Variants in SAMD12 observed in about 807,000 individuals in gnomAD.
SAMD12 encodes sterile alpha motif domain containing 12, also known as sterile alpha motif domain-containing protein 12.
In SAMD12, 9 loss-of-function variants were observed where a neutral mutation model predicts 15.0. The ratio of observed to expected loss-of-function variants is 0.60; its 90% CI spans 0.36 to 1.05. The LOEUF (loss-of-function observed/expected upper bound fraction) is 1.05, where lower values mean the gene tolerates loss of function less well. Ranked by LOEUF, SAMD12 falls within the 50% of genes least tolerant of loss-of-function variation. The pLI, the probability that SAMD12 is intolerant of heterozygous loss-of-function variation, is 0.01. For synonymous variants in SAMD12, 86 were observed against 90.1 expected, an observed-to-expected ratio of 0.96 and a Z score of 0.25; for missense variants, 230 against 234.2, an observed-to-expected ratio of 0.98 and a Z score of 0.12.
chr8:118,486,650 T>C (rs981595444), intron 2 of SAMD12, among the ~76,000 whole-genome samples: 2 of 152,184 alleles, frequency 1.3e-5, no homozygotes, highest in Non-Finnish European at 2.9e-5. Context: ...GTTGGACTTA[T>C]GCACACAGAA....
intron 4 of SAMD12, among the ~76,000 whole-genome samples, chr8:118,337,394 C>T (rs1423514671): frequency 2.6e-5 from 4 of 152,126 alleles, no homozygotes; most frequent in Admixed American, 2.6e-4. Flanking sequence ...ACCAAGCATG[C>T]TATCTTGTCA....
At chr8:118,398,698 G>A (rs965411168) in intron 3 of SAMD12, among the ~76,000 whole-genome samples, 6 of 152,138 alleles carry the variant, frequency 3.9e-5, no homozygotes, top group African/African-American at 1.4e-4. Context: ...GGGGGAGAAA[G>A]GTTGTGAAGA....
chr8:118,570,519 G>T (rs780701294), intron 2 of SAMD12, among the ~76,000 whole-genome samples: 1 of 152,108 alleles, frequency 6.6e-6, no homozygotes, highest in African/African-American at 2.4e-5. Context: ...CTCCATCCTT[G>T]TCCCTGCAAA....
chr8:118,141,212 G>A, the SAMD12 span, among the ~76,000 whole-genome samples: 5 of 152,208 alleles, frequency 3.3e-5, no homozygotes, highest in African/African-American at 9.6e-5. Context: ...TTTTACGAAA[G>A]TCTTCAGAGT....
chr8:118,307,336 C>T (rs948902022), intron 4 of SAMD12, among the ~76,000 whole-genome samples: 3 of 152,184 alleles, frequency 2.0e-5, no homozygotes, highest in East Asian at 3.8e-4. Flanking sequence ...AGATTCATAT[C>T]CTTCCACTCA....
At chr8:118,155,992 A>T in the SAMD12 span, among the ~76,000 whole-genome samples, 1 of 152,152 alleles carries the variant, frequency 6.6e-6, no homozygotes, top group Non-Finnish European at 1.5e-5. Context: ...CATAAATCAT[A>T]CCTTTTTTCA....
intron 1 of SAMD12, among the ~76,000 whole-genome samples, chr8:118,618,817 C>A (rs1256829057): frequency 5.7e-5 from 8 of 139,890 alleles, no homozygotes; most frequent in African/African-American, 7.9e-5. Context: ...CCAGCCTGGG[C>A]GACAGAGCAA....
At chr8:118,419,788 T>C (rs1236839473) in intron 3 of SAMD12, among the ~76,000 whole-genome samples, 2 of 152,190 alleles carry the variant, frequency 1.3e-5, no homozygotes, top group Admixed American at 6.5e-5. Context: ...CTTCCCCCAC[T>C]AGATACATGC....
chr8:118,228,887 C>A (rs904661709), intron 4 of SAMD12, among the ~76,000 whole-genome samples: 2 of 152,184 alleles, frequency 1.3e-5, no homozygotes, highest in Non-Finnish European at 2.9e-5. Flanking sequence ...GGAACAAATA[C>A]AAATGCCCAT....
At chr8:118,255,690 T>G (rs985138622) in intron 4 of SAMD12, among the ~76,000 whole-genome samples, 17 of 151,996 alleles carry the variant, frequency 1.1e-4, no homozygotes, top group African/African-American at 4.1e-4. Flanking sequence ...GAACTCATCA[T>G]TTTTCATGGC....
chr8:118,180,617 G>C, the SAMD12 span, among the ~76,000 whole-genome samples: 1 of 151,972 alleles, frequency 6.6e-6, no homozygotes, highest in African/African-American at 2.4e-5. Flanking sequence ...CTGTTGACCA[G>C]GTTGGAGTGC....
At chr8:118,389,912 T>C (rs1479650333) in intron 3 of SAMD12, among the ~76,000 whole-genome samples, 1 of 152,216 alleles carries the variant, frequency 6.6e-6, no homozygotes, top group Non-Finnish European at 1.5e-5. Flanking sequence ...ATTTTTTCCA[T>C]ACTATGAGAG....
At chr8:118,241,192 G>T (rs1213296188) in intron 4 of SAMD12, among the ~76,000 whole-genome samples, 1 of 152,136 alleles carries the variant, frequency 6.6e-6, no homozygotes, top group Non-Finnish European at 1.5e-5. Context: ...AGAGTGATTA[G>T]AAACTTCTTC....
chr8:118,165,650 A>ATGT, the SAMD12 span, among the ~76,000 whole-genome samples: 1 of 146,240 alleles, frequency 6.8e-6, no homozygotes, highest in African/African-American at 2.5e-5. Flanking sequence ...ATATATATAT[A>ATGT]AAACATAACA....
chr8:118,222,854 T>C (rs1051287036), intron 4 of SAMD12, among the ~76,000 whole-genome samples: 1 of 152,160 alleles, frequency 6.6e-6, no homozygotes, highest in African/African-American at 2.4e-5. Flanking sequence ...CTCCCAGTTA[T>C]GATCATAATC....
chr8:118,243,193 G>A lies in SAMD12; in HGVS notation c.434-45461C>T, dbSNP rs186019426. Among the ~76,000 whole-genome samples the A allele has an allele frequency of 9.9e-5, 15 of 152,194 alleles. No individual in the cohort carries two copies. In the East Asian group the frequency reaches 2.5e-3, roughly 26 times the overall value. On this transcript the variant is annotated intron_variant, in intron 4 of 4. Transcript: ENST00000409003. Reference sequence around the variant, plus strand: ...GCAGTGTTGAATAAAAATGAAAAACGATGAGGTCTTAGAGCACAATATCAT... The same window carrying A: ...GCAGTGTTGAATAAAAATGAAAAACAATGAGGTCTTAGAGCACAATATCAT...
chr8:118,601,936 C>T (rs552234880), intron 1 of SAMD12, among the ~76,000 whole-genome samples: 1 of 152,260 alleles, frequency 6.6e-6, no homozygotes, highest in South Asian at 2.1e-4. Context: ...CAGAAAGGAA[C>T]AGATGGGAAG....
intron 1 of SAMD12, among the ~76,000 whole-genome samples, chr8:118,601,458 CCCT>C (rs1473654573): frequency 6.6e-6 from 1 of 152,072 alleles, no homozygotes; most frequent in Non-Finnish European, 1.5e-5. Flanking sequence ...AGACACCATA[CCCT>C]CCTCATTATT....
intron 4 of SAMD12, among the ~76,000 whole-genome samples, chr8:118,208,508 A>C (rs575686078): frequency 2.5e-4 from 38 of 152,152 alleles, no homozygotes; most frequent in Non-Finnish European, 5.1e-4. Flanking sequence ...AGGAGGAGTA[A>C]GTGCTACTGG....
Sources: allele counts gnomAD v4.1 joint callset (sites outside exome capture counted in the v4.1 genomes callset), GRCh38; gene constraint gnomAD v4.1.1; transcripts MANE v1.5; gene names NCBI Gene and HGNC (gene_info 2026-07-23, HGNC 2026-07-21).